RPS6KA2: variants seen among roughly 807,000 people sequenced by gnomAD.
The protein encoded by RPS6KA2 is ribosomal protein S6 kinase A2.
In RPS6KA2, 42 loss-of-function variants were observed where a neutral mutation model predicts 91.8. The observed-to-expected ratio is 0.46, with a 90% CI of 0.36 to 0.59. The LOEUF is 0.59. RPS6KA2 is among the 20% of genes least tolerant of loss of function. RPS6KA2 has a pLI of 0.00. For missense variants in RPS6KA2, 798 were observed against 978.5 expected, an observed-to-expected ratio of 0.82 and a Z score of 2.46; for synonymous variants, 414 against 393.6, an observed-to-expected ratio of 1.05 and a Z score of -0.61.
chr6:166,417,278 G>A lies in RPS6KA2; in HGVS notation c.1938+947C>T, dbSNP rs556420781. Among the ~76,000 whole-genome samples, 3 of 152,310 alleles carry A rather than the reference G, an allele frequency of 2.0e-5. No individual in the cohort carries two copies. In the South Asian group the frequency reaches 6.2e-4, roughly 32 times the overall value. On this transcript the variant is annotated intron_variant, in intron 19 of 20. Transcript: ENST00000265678. Reference sequence around the variant, plus strand: ...ATTCTGCAATATCACTAAAAGCATGGTGGTTAATTTTATATGTCATCATGG... The same window carrying A: ...ATTCTGCAATATCACTAAAAGCATGATGGTTAATTTTATATGTCATCATGG...
intron 1 of RPS6KA2, chr6:166,858,300 A>G: frequency 8.2e-7 from 1 of 1,225,004 alleles, no homozygotes. Context: ...TAGCATTGCC[A>G]TGTGTTTGTA....
At chr6:166,760,233 A>G (rs891144632) in intron 2 of RPS6KA2, among the ~76,000 whole-genome samples, 2 of 152,234 alleles carry the variant, frequency 1.3e-5, no homozygotes, top group Non-Finnish European at 2.9e-5. Flanking sequence ...GGAGAGAGGA[A>G]GGTGGGCTCA....
At chr6:166,522,607 G>GGA (rs1782898898) in intron 3 of RPS6KA2, among the ~76,000 whole-genome samples, 1 of 152,210 alleles carries the variant, frequency 6.6e-6, no homozygotes, top group African/African-American at 2.4e-5. Flanking sequence ...CCCCCACTGC[G>GGA]CGGCCATTGC....
At chr6:166,479,418 A>T (rs558267840) in intron 10 of RPS6KA2, among the ~76,000 whole-genome samples, 1 of 152,272 alleles carries the variant, frequency 6.6e-6, no homozygotes, top group African/African-American at 2.4e-5. Flanking sequence ...GTGGTCCTGC[A>T]ATCTGCCAGG....
intron 2 of RPS6KA2, 53 bp downstream of exon 2, chr6:166,538,615 G>A: frequency 2.0e-6 from 2 of 1,013,088 alleles, no homozygotes; most frequent in Non-Finnish European, 3.1e-6. Context: ...CTCTGTCCAG[G>A]TGTCCTTTGT....
intron 2 of RPS6KA2, among the ~76,000 whole-genome samples, chr6:166,664,067 T>C (rs1582998712): frequency 6.6e-6 from 1 of 152,202 alleles, no homozygotes; most frequent in African/African-American, 2.4e-5. Context: ...ATAGAGGAAA[T>C]TTGTTAGAAG....
chr6:166,823,113 A>G (rs1225824402), intron 2 of RPS6KA2, among the ~76,000 whole-genome samples: 1 of 152,216 alleles, frequency 6.6e-6, no homozygotes, highest in Non-Finnish European at 1.5e-5. Flanking sequence ...CCCAACTGAC[A>G]AAAGACAGGA....
At chr6:166,477,508 TGCTTCTCCCAGAACAAGGGGAGAAAAA>T (rs1413576810) in intron 10 of RPS6KA2, among the ~76,000 whole-genome samples, 2 of 152,364 alleles carry the variant, frequency 1.3e-5, no homozygotes, top group African/African-American at 4.8e-5. Context: ...GAAAATTATT[TGCTTCTCCCAGAACAAGGGGAGAAAAA>T]GTACAAACAC....
rs1434495077 is a variant in RPS6KA2 at position 166,557,234 on chromosome 6, G to C, written c.100-18450C>G. On this transcript the variant is annotated intron_variant, in intron 1 of 20. Coordinates refer to ENST00000265678, the MANE Select transcript of RPS6KA2 (RefSeq NM_021135.6). The surrounding 1 kb of genome is among the most constrained non-coding windows in gnomAD (Gnocchi z 4.8). ...CAACAGGCAGAGGCAGCTGCAGCCT[G>C]AGTGCGCAGAGGGTAGCTCCTGCCG... 6.6e-6 allele frequency among the ~76,000 whole-genome samples: 1 copy of C among 152,252 alleles called. No homozygotes were observed. Among genetic ancestry groups the C allele is most frequent in the Non-Finnish European group, 1.5e-5 (1 of 68,050 alleles).
intron 1 of RPS6KA2, among the ~76,000 whole-genome samples, chr6:166,599,207 A>C (rs1231859430): frequency 6.6e-6 from 1 of 152,228 alleles, no homozygotes; most frequent in Non-Finnish European, 1.5e-5. Flanking sequence ...CTAACTACAG[A>C]CAGGGAGATT....
intron 3 of RPS6KA2, among the ~76,000 whole-genome samples, chr6:166,519,473 C>T (rs554340081): frequency 1.4e-4 from 21 of 152,318 alleles, no homozygotes; most frequent in African/African-American, 3.4e-4. Flanking sequence ...CAACCTGCCG[C>T]GTTTCGGGTT....
At chr6:166,505,947 A>C (rs980739587) in intron 5 of RPS6KA2, among the ~76,000 whole-genome samples, 1 of 152,184 alleles carries the variant, frequency 6.6e-6, no homozygotes, top group African/African-American at 2.4e-5. Flanking sequence ...CTCAGAGGCA[A>C]ACCTGTCTTT....
intron 1 of RPS6KA2, among the ~76,000 whole-genome samples, chr6:166,561,699 G>A (rs996270327): frequency 4.6e-5 from 7 of 152,032 alleles, no homozygotes; most frequent in African/African-American, 1.7e-4. Context: ...CCAAAGCCTT[G>A]GAAAAGTCTG....
At chr6:166,424,782 C>T (rs554486411) in intron 16 of RPS6KA2, among the ~76,000 whole-genome samples, 7 of 152,304 alleles carry the variant, frequency 4.6e-5, no homozygotes, top group Admixed American at 6.5e-5. Flanking sequence ...CCCTGCGCTC[C>T]GGTTAATGAA....
intron 2 of RPS6KA2, among the ~76,000 whole-genome samples, chr6:166,689,868 C>T (rs1789149405): frequency 6.6e-6 from 1 of 152,236 alleles, no homozygotes; most frequent in African/African-American, 2.4e-5. Context: ...CAGAGAAAGC[C>T]ACATGAAAGT....
intron 12 of RPS6KA2, among the ~76,000 whole-genome samples, chr6:166,454,068 A>AGG: frequency 6.6e-6 from 1 of 152,194 alleles, no homozygotes; most frequent in East Asian, 1.9e-4. Context: ...GGGTGGGAGA[A>AGG]GGTGAGGGAT....
Position 166,508,949 on chromosome 6 carries a change from G to A in RPS6KA2, c.380-667C>T, listed in dbSNP as rs140569485. Among the ~76,000 whole-genome samples the A allele has an allele frequency of 7.9e-5, 12 of 152,346 alleles. No individual in the cohort carries two copies. The highest frequency in any genetic ancestry group is 9.6e-5 in the African/African-American group (4 of 41,592). ...GGGCGCATGAGCACGGGAGGGTCTAGAGAAGCCCGTCACCATCGCTGCTGT... is the reference window on the plus strand; with the variant it reads ...GGGCGCATGAGCACGGGAGGGTCTAAAGAAGCCCGTCACCATCGCTGCTGT... On this transcript the variant is annotated intron_variant, in intron 4 of 20. Transcript: ENST00000265678. This position sits in a 1 kb window ranked among gnomAD's most constrained non-coding sequence, Gnocchi z 4.3.
rs529116562 is a variant in RPS6KA2 at position 166,744,830 on chromosome 6, T to A, written c.123+113370A>T. 1.4e-4 allele frequency among the ~76,000 whole-genome samples: 21 copies of A among 152,204 alleles called. 1 individual carries two copies. The highest frequency in any genetic ancestry group is 5.1e-4 in the African/African-American group (21 of 41,548). On this transcript the variant is annotated intron_variant, in intron 2 of 21. Coordinates refer to the RPS6KA2 transcript ENST00000503859. ...GTTGAAGACACTAGAGGGAGCACCC[T>A]CAGTACTGGGCCCTCCCTTCCTAAA...
Position 166,493,453 on chromosome 6 carries a change from C to T in RPS6KA2, c.748-2712G>A, listed in dbSNP as rs1781676228. On this transcript the variant is annotated intron_variant, in intron 8 of 20. Transcript: ENST00000265678. This position sits in a 1 kb window ranked among gnomAD's most constrained non-coding sequence, Gnocchi z 4.7. ...GACGTTATTTACAGTAAGACTTTTGCTGTGTTGCTGAGCAGCACTGAGACT... is the reference window on the plus strand; with the variant it reads ...GACGTTATTTACAGTAAGACTTTTGTTGTGTTGCTGAGCAGCACTGAGACT... Among the ~76,000 whole-genome samples, 1 of 152,154 alleles carries T rather than the reference C, an allele frequency of 6.6e-6. No homozygotes were observed. The highest frequency in any genetic ancestry group is 1.5e-5 in the Non-Finnish European group (1 of 68,036).
Sources: allele counts gnomAD v4.1 joint callset (sites outside exome capture counted in the v4.1 genomes callset), GRCh38; gene constraint gnomAD v4.1.1; non-coding constraint Gnocchi (gnomAD v3.1); transcripts MANE v1.5; gene names NCBI Gene and HGNC (gene_info 2026-07-23, HGNC 2026-07-21).